TFDP1: variants seen among roughly 807,000 people sequenced by gnomAD.
TFDP1 encodes the protein DRTF1-polypeptide 1.
A neutral mutation model predicts 48.0 loss-of-function variants in TFDP1; 6 were observed. That is an observed-to-expected ratio of 0.13 (90% confidence interval 0.07 to 0.25). TFDP1 has a LOEUF of 0.25. Among genes scored for constraint, TFDP1 ranks in the 10% least tolerant of loss-of-function variants. The pLI is 1.00. For missense variants in TFDP1, 335 were observed against 543.0 expected, an observed-to-expected ratio of 0.62 and a Z score of 3.81; for synonymous variants, 201 against 211.6, an observed-to-expected ratio of 0.95 and a Z score of 0.44.
chr13:113,605,209 G>A (rs1204206469), intron 2 of TFDP1, among the ~76,000 whole-genome samples: 1 of 152,118 alleles, frequency 6.6e-6, no homozygotes, highest in African/African-American at 2.4e-5. Flanking sequence ...AGGGGTGGGT[G>A]TCAGAGAGTG....
intron 2 of TFDP1, among the ~76,000 whole-genome samples, chr13:113,605,147 C>G (rs1378627743): frequency 6.7e-6 from 1 of 149,800 alleles, no homozygotes; most frequent in East Asian, 2.0e-4. Flanking sequence ...TCAGTTGGGG[C>G]GGGGGGGCGT....
chr13:113,624,031 C>A (rs959768195), intron 4 of TFDP1, among the ~76,000 whole-genome samples: 1 of 152,128 alleles, frequency 6.6e-6, no homozygotes, highest in Non-Finnish European at 1.5e-5. Context: ...CAAGGCTAGG[C>A]CGGGCTTCCA....
At chr13:113,613,712 TATGTGAGGA>T (rs1219874252) in intron 3 of TFDP1, among the ~76,000 whole-genome samples, 1 of 139,016 alleles carries the variant, frequency 7.2e-6, no homozygotes, top group African/African-American at 3.0e-5. Context: ...AATGCGTGGG[TATGTGAGGA>T]GTGTGTGCAT....
At chr13:113,631,493 G>C in intron 4 of TFDP1, 130 bp from the exon 5 acceptor site, 1 of 1,221,644 alleles carries the variant, frequency 8.2e-7, no homozygotes, top group Non-Finnish European at 1.1e-6. Context: ...CGTTTTTCCT[G>C]CTCCGTCATG....
chr13:113,594,065 C>T (rs1255875608), intron 2 of TFDP1, among the ~76,000 whole-genome samples: 2 of 121,300 alleles, frequency 1.6e-5, no homozygotes, highest in Non-Finnish European at 3.3e-5. Flanking sequence ...GTGTGGTGTA[C>T]ACGGGTCCTC....
intron 3 of TFDP1, among the ~76,000 whole-genome samples, chr13:113,621,816 C>T (rs953914645): frequency 1.3e-5 from 2 of 152,220 alleles, no homozygotes; most frequent in African/African-American, 4.8e-5. Context: ...CTCTGTTCCT[C>T]CACCTCTTGT....
At position 113,610,879 on chromosome 13, in the gene TFDP1, G is replaced by T. The variant is rs552754576; in HGVS notation, c.13-117G>T. On this transcript the variant is annotated intron_variant, in intron 2 of 11. Transcript: ENST00000375370. ...TCCTGGAGTTGCTTGCTTAACTGTG[G>T]TCCTTCTGCCTTTTTATGACGTTAT... is the stretch of plus-strand genomic sequence containing the variant. 1.1e-5 allele frequency: 10 copies of T among 918,290 alleles called. 1 individual carries two copies. In the South Asian group the frequency reaches 1.4e-4, roughly 12 times the overall value. The allele number at this position is 918,290 out of a possible 1,614,324, so 56.9% of individuals were successfully genotyped here. A position where few individuals can be genotyped will look rare whatever the true frequency, so the allele number is the denominator to read the frequency against.
Position 113,623,313 on chromosome 13 carries a change from C to T in TFDP1, c.186+27C>T, listed in dbSNP as rs199747311. ...TAAGCCTCCCGCAGGAGCGGACAGC[C>T]GGGATCTCGGTGTGAGGTCGGGATC... On this transcript the variant is annotated intron_variant, in intron 4 of 11. Transcript: ENST00000375370. The surrounding 1 kb of genome is among the most constrained non-coding windows in gnomAD (Gnocchi z 5.2). 1.2e-4 allele frequency: 185 copies of T among 1,580,498 alleles called. 1 individual carries two copies. In the East Asian group the frequency reaches 1.4e-3, roughly 12 times the overall value.
chr13:113,613,571 AGT>A (rs201120955), intron 3 of TFDP1, among the ~76,000 whole-genome samples: 3,153 of 128,332 alleles, frequency 0.025, 99 homozygotes, highest in East Asian at 0.11. Flanking sequence ...TGTGCATACG[AGT>A]GTGTGTGTGC....
intron 2 of TFDP1, among the ~76,000 whole-genome samples, chr13:113,589,888 G>A (rs2048098386): frequency 6.6e-6 from 1 of 152,222 alleles, no homozygotes; most frequent in African/African-American, 2.4e-5. Context: ...ATCAGGCAGA[G>A]CTCTGCCTCT....
Position 113,640,708 on chromosome 13 carries a change from G to A in TFDP1, c.*441G>A. ...TGCTGGCGGATAGCAAGACTCTGTG[G>A]AGTTTGTTCAGTGGTACGGTGTCCA... On this transcript the variant is annotated 3_prime_UTR_variant, in exon 12 of 12. Coordinates refer to ENST00000375370, the MANE Select transcript of TFDP1 (RefSeq NM_007111.5). 4.2e-6 allele frequency: 1 copy of A among 235,796 alleles called. No individual in the cohort carries two copies. Among genetic ancestry groups the A allele is most frequent in the Non-Finnish European group, 8.2e-6 (1 of 121,234 alleles). The allele number at this position is 235,796 out of a possible 1,614,324, so 14.6% of individuals were successfully genotyped here.
At chr13:113,603,371 G>A (rs1466308166) in intron 2 of TFDP1, among the ~76,000 whole-genome samples, 4 of 152,312 alleles carry the variant, frequency 2.6e-5, no homozygotes, top group East Asian at 1.9e-4. Context: ...TTGAGGGCCC[G>A]GGCAGCGCCT....
chr13:113,608,482 C>T (rs2048624490), intron 2 of TFDP1, among the ~76,000 whole-genome samples: 1 of 152,198 alleles, frequency 6.6e-6, no homozygotes, highest in African/African-American at 2.4e-5. Flanking sequence ...GTCAGACCCC[C>T]AGCAGGGCTT....
chr13:113,585,468 C>T (rs573861842), intron 1 of TFDP1: 44 of 181,478 alleles, frequency 2.4e-4, no homozygotes, highest in African/African-American at 1.0e-3. Flanking sequence ...GGGAGGGAGG[C>T]GCTGCGCCCT....
intron 2 of TFDP1, among the ~76,000 whole-genome samples, chr13:113,594,180 C>T (rs181804047): frequency 7.2e-6 from 1 of 139,754 alleles, no homozygotes; most frequent in Non-Finnish European, 1.5e-5. Flanking sequence ...GACAGGTGTG[C>T]TGTGTGCAGG....
At chr13:113,599,388 G>A (rs1358792926) in intron 2 of TFDP1, among the ~76,000 whole-genome samples, 1 of 152,204 alleles carries the variant, frequency 6.6e-6, no homozygotes, top group East Asian at 1.9e-4. Context: ...CACATAGGCA[G>A]CATTTACATT....
In TFDP1 at chr13:113,627,661, T is replaced by C. The variant is rs1045183298; in HGVS notation, c.187-3962T>C. ...CCAACCCCTGGGCCTGTTAGGAAGC[T>C]GGCCGCACAGCCGCCTGAGCCCTGC... On this transcript the variant is annotated intron_variant, in intron 4 of 11. Coordinates refer to ENST00000375370, the MANE Select transcript of TFDP1 (RefSeq NM_007111.5). This position sits in a 1 kb window ranked among gnomAD's most constrained non-coding sequence, Gnocchi z 4.1. Among the ~76,000 whole-genome samples the C allele has an allele frequency of 5.3e-5, 8 of 152,146 alleles. No individual in the cohort carries two copies. In the South Asian group the frequency reaches 1.2e-3, roughly 24 times the overall value.
chr13:113,634,424 C>T (rs949956093), intron 7 of TFDP1, 110 bp from the exon 8 acceptor site: 9 of 918,132 alleles, frequency 9.8e-6, no homozygotes, highest in South Asian at 1.6e-5. Flanking sequence ...CCTTCGATTA[C>T]ATTCTGGGTA....
intron 8 of TFDP1, among the ~76,000 whole-genome samples, chr13:113,635,338 C>A (rs1008486557): frequency 6.6e-6 from 1 of 152,212 alleles, no homozygotes; most frequent in Non-Finnish European, 1.5e-5. Context: ...TCAGGACCCA[C>A]AGAGTGTCAG....
Sources: gnomAD v4.1 joint callset for allele counts (sites outside exome capture counted in the v4.1 genomes callset) on GRCh38, gnomAD v4.1.1 for gene constraint, Gnocchi (gnomAD v3.1) non-coding constraint, MANE v1.5 for transcripts, NCBI Gene and HGNC (gene_info 2026-07-23, HGNC 2026-07-21) for gene names.